The following ANKS1A variants were observed in gnomAD, a reference collection of about 807,000 sequenced individuals.
The protein encoded by ANKS1A is ankyrin repeat and sterile alpha motif domain containing 1A.
A neutral mutation model predicts 120.3 loss-of-function variants in ANKS1A; 55 were observed. That is an observed-to-expected ratio of 0.46 (90% CI 0.37 to 0.57). The LOEUF (loss-of-function observed/expected upper bound fraction) is 0.57, where lower values mean the gene tolerates loss of function less well. Ranked by LOEUF, ANKS1A falls within the 20% of genes least tolerant of loss-of-function variation. The pLI is 0.00. For synonymous variants in ANKS1A, 590 were observed against 604.7 expected (o/e 0.98, Z 0.36); for missense variants, 1,123 against 1,480.3 (o/e 0.76, Z 3.96).
intron 1 of ANKS1A, among the ~76,000 whole-genome samples, chr6:34,937,313 AT>A (rs534743134): frequency 6.6e-6 from 1 of 151,012 alleles, no homozygotes; most frequent in East Asian, 1.9e-4. Flanking sequence ...TTAAAAAAAT[AT>A]ATATATATAT....
intron 3 of ANKS1A, among the ~76,000 whole-genome samples, chr6:34,975,459 A>AC (rs1554139961): frequency 1.3e-5 from 2 of 149,240 alleles, no homozygotes; most frequent in Non-Finnish European, 3.0e-5. Context: ...AAAAAAAAAA[A>AC]CAACAAAAAA....
intron 11 of ANKS1A, among the ~76,000 whole-genome samples, chr6:35,043,199 A>G (rs1333055679): frequency 6.6e-6 from 1 of 152,234 alleles, no homozygotes; most frequent in Non-Finnish European, 1.5e-5. Context: ...TGCCACATGC[A>G]GATGAATAGA....
At chr6:34,893,853 AT>A (rs1766939199) in intron 1 of ANKS1A, among the ~76,000 whole-genome samples, 1 of 152,184 alleles carries the variant, frequency 6.6e-6, no homozygotes, top group Non-Finnish European at 1.5e-5. Flanking sequence ...TTGTGCTATG[AT>A]TTATGTTTAT....
chr6:34,924,586 C>G (rs574785892), intron 1 of ANKS1A, among the ~76,000 whole-genome samples: 1 of 152,104 alleles, frequency 6.6e-6, no homozygotes, highest in Non-Finnish European at 1.5e-5. Flanking sequence ...ATCGGTGACT[C>G]CTGCCATTTC....
chr6:34,925,280 C>T (rs747606987), intron 1 of ANKS1A, among the ~76,000 whole-genome samples: 1 of 152,130 alleles, frequency 6.6e-6, no homozygotes, highest in Non-Finnish European at 1.5e-5. Context: ...ACAGTTTTCT[C>T]CCTTAAGTGG....
At chr6:34,949,591 A>G (rs1338020084) in intron 1 of ANKS1A, among the ~76,000 whole-genome samples, 2 of 152,234 alleles carry the variant, frequency 1.3e-5, no homozygotes, top group African/African-American at 4.8e-5. Context: ...GGACAAATTT[A>G]TGAGCTGTTC....
chr6:35,077,746 C>G (rs1489185121), intron 13 of ANKS1A, among the ~76,000 whole-genome samples: 1 of 152,184 alleles, frequency 6.6e-6, no homozygotes, highest in Non-Finnish European at 1.5e-5. Context: ...TGTGTGATGT[C>G]AAGAAATTTC....
chr6:35,059,549 C>A (rs554734998), intron 12 of ANKS1A, among the ~76,000 whole-genome samples: 1 of 152,384 alleles, frequency 6.6e-6, no homozygotes, highest in East Asian at 1.9e-4. Context: ...ACAGCCGCCG[C>A]TGCTGCTTCC....
chr6:34,966,723 G>A (rs1280988830), intron 1 of ANKS1A, among the ~76,000 whole-genome samples: 1 of 152,144 alleles, frequency 6.6e-6, no homozygotes, highest in Non-Finnish European at 1.5e-5. Flanking sequence ...ATTATAGATT[G>A]TTATTTTTTT....
chr6:34,988,684 A>G (rs1396576329), intron 8 of ANKS1A, among the ~76,000 whole-genome samples: 1 of 152,244 alleles, frequency 6.6e-6, no homozygotes, highest in African/African-American at 2.4e-5. Flanking sequence ...ATAAGAGAAC[A>G]GGTTGAGCTT....
rs951479621 is a variant in ANKS1A, at chr6:34,998,520, A to G, written c.1423+4098A>G. Among the ~76,000 whole-genome samples, 74 of 152,158 alleles carry G rather than the reference A, an allele frequency of 4.9e-4. 1 individual carries two copies. Among genetic ancestry groups the G allele is most frequent in the Non-Finnish European group, 1.6e-4 (11 of 68,036 alleles). On this transcript the variant is annotated intron_variant, in intron 10 of 23. Coordinates refer to ENST00000360359, the MANE Select transcript of ANKS1A (RefSeq NM_015245.3). ...TGCCTGACCTAAGCCTGGTAGTTAA[A>G]ATTCTACCCCTGACCTAGCAACTGA...
chr6:34,898,620 A>G (rs1767207284), intron 1 of ANKS1A, among the ~76,000 whole-genome samples: 1 of 152,224 alleles, frequency 6.6e-6, no homozygotes, highest in African/African-American at 2.4e-5. Flanking sequence ...AAAAATTGCA[A>G]GACAAAGAAA....
intron 1 of ANKS1A, among the ~76,000 whole-genome samples, chr6:34,946,374 G>C (rs1462257957): frequency 6.6e-6 from 1 of 151,990 alleles, no homozygotes; most frequent in African/African-American, 2.4e-5. Flanking sequence ...GATCACTTGA[G>C]GTTAGGAGTT....
chr6:35,023,286 TGCC>T (rs1287763921), intron 11 of ANKS1A, among the ~76,000 whole-genome samples: 1 of 152,184 alleles, frequency 6.6e-6, no homozygotes, highest in Admixed American at 6.5e-5. Flanking sequence ...GCACAATTTG[TGCC>T]GTCTTTTCCT....
chr6:35,049,090 C>T (rs954829), intron 11 of ANKS1A, among the ~76,000 whole-genome samples: 3 of 152,268 alleles, frequency 2.0e-5, no homozygotes, highest in East Asian at 1.9e-4. Context: ...GGCTGTGAGT[C>T]GAGGCTCTGC....
At chr6:34,969,381 A>G (rs1771067876) in intron 2 of ANKS1A, among the ~76,000 whole-genome samples, 1 of 152,072 alleles carries the variant, frequency 6.6e-6, no homozygotes, top group African/African-American at 2.4e-5. Context: ...CACCCTCCCA[A>G]GTAGCTGGAA....
At chr6:34,919,431 T>C (rs1462524517) in intron 1 of ANKS1A, among the ~76,000 whole-genome samples, 4 of 152,206 alleles carry the variant, frequency 2.6e-5, no homozygotes, top group Non-Finnish European at 5.9e-5. Context: ...TTAACAAATA[T>C]TAAGTGCCTT....
intron 1 of ANKS1A, among the ~76,000 whole-genome samples, chr6:34,916,997 TA>T: frequency 6.6e-6 from 1 of 152,114 alleles, no homozygotes; most frequent in East Asian, 1.9e-4. Flanking sequence ...TATAATAGAG[TA>T]GAATGGCTGA....
chr6:35,090,226 A>G lies in ANKS1A; in HGVS notation c.*1617A>G. On this transcript the variant is annotated 3_prime_UTR_variant, in exon 24 of 24. Coordinates refer to ENST00000360359, the MANE Select transcript of ANKS1A (RefSeq NM_015245.3). ...TTTTACTTCATTTCCTGCCCCTTTCAGGGCCTGTGAGGATGCCCATGAGCT... is the reference window on the plus strand; with the variant it reads ...TTTTACTTCATTTCCTGCCCCTTTCGGGGCCTGTGAGGATGCCCATGAGCT... 7.8e-7 allele frequency: 1 copy of G among 1,289,584 alleles called. No homozygotes were observed. Among genetic ancestry groups the G allele is most frequent in the Non-Finnish European group, 1.0e-6 (1 of 988,886 alleles). 79.9% of individuals were successfully genotyped at this position (1,289,584 alleles called of 1,614,324 possible).
Sources: gnomAD v4.1 joint callset for allele counts (sites outside exome capture counted in the v4.1 genomes callset) on GRCh38, gnomAD v4.1.1 for gene constraint, MANE v1.5 for transcripts, NCBI Gene and HGNC (gene_info 2026-07-23, HGNC 2026-07-21) for gene names.